C12orf42: variants seen among roughly 807,000 people sequenced by gnomAD.
C12orf42 encodes the protein uncharacterized protein C12orf42.
A neutral mutation model predicts 21.6 loss-of-function variants in C12orf42; 25 were observed. The ratio of observed to expected loss-of-function variants is 1.16; its 90% CI spans 0.84 to 1.62. The LOEUF (loss-of-function observed/expected upper bound fraction) is 1.62. Ranked by LOEUF, C12orf42 falls within the 40% of genes most tolerant of loss-of-function variation. C12orf42 has a pLI of 0.00. For synonymous variants in C12orf42, 174 were observed against 175.0 expected (o/e 0.99, Z 0.05); for missense variants, 483 against 459.3 (o/e 1.05, Z -0.47).
intron 4 of C12orf42, among the ~76,000 whole-genome samples, chr12:103,315,155 G>A (rs2136713714): frequency 6.6e-6 from 1 of 152,196 alleles, no homozygotes; most frequent in South Asian, 2.1e-4. Flanking sequence ...TCTATTACCT[G>A]ATACATCATG....
chr12:103,207,589 C>A, the C12orf42 span, among the ~76,000 whole-genome samples: 1 of 152,098 alleles, frequency 6.6e-6, no homozygotes, highest in Non-Finnish European at 1.5e-5. Context: ...ATATGACAGC[C>A]ATGGATTTGA....
At chr12:103,146,560 AAAAG>A in the C12orf42 span, among the ~76,000 whole-genome samples, 7,221 of 119,916 alleles carry the variant, frequency 0.06, 253 homozygotes, top group African/African-American at 0.094. Context: ...ATAAAGAAAG[AAAAG>A]AAAGAAAGAA....
At chr12:103,525,952 G>A in the C12orf42 span, among the ~76,000 whole-genome samples, 53 of 152,252 alleles carry the variant, frequency 3.5e-4, no homozygotes, top group Non-Finnish European at 5.9e-4. Flanking sequence ...GCTTGAAACC[G>A]AAGGCGGAGG....
chr12:103,207,312 C>T, the C12orf42 span, among the ~76,000 whole-genome samples: 1 of 152,204 alleles, frequency 6.6e-6, no homozygotes, highest in South Asian at 2.1e-4. Context: ...CTGACTGATA[C>T]AGAGCCCTAA....
At chr12:103,134,220 C>T in the C12orf42 span, among the ~76,000 whole-genome samples, 3 of 152,138 alleles carry the variant, frequency 2.0e-5, no homozygotes, top group Non-Finnish European at 4.4e-5. Context: ...AAACATGACA[C>T]TTCCATAGGA....
intron 3 of C12orf42, among the ~76,000 whole-genome samples, chr12:103,395,400 A>G (rs1487258167): frequency 4.2e-5 from 6 of 143,478 alleles, no homozygotes; most frequent in African/African-American, 1.6e-4. Flanking sequence ...CAGTGGGGTG[A>G]TCTCCGCTCA....
At chr12:103,435,867 C>T (rs1279725957) in intron 2 of C12orf42, among the ~76,000 whole-genome samples, 1 of 151,740 alleles carries the variant, frequency 6.6e-6, no homozygotes, top group Admixed American at 6.6e-5. Context: ...TCTAGCAAGG[C>T]AGGCCAACGT....
intron 4 of C12orf42, among the ~76,000 whole-genome samples, chr12:103,315,407 A>T (rs2039365773): frequency 6.6e-6 from 1 of 152,234 alleles, no homozygotes; most frequent in African/African-American, 2.4e-5. Flanking sequence ...TGCTATAAAT[A>T]AAAAACACTG....
At chr12:103,345,125 A>T (rs1488952346) in intron 4 of C12orf42, among the ~76,000 whole-genome samples, 1 of 152,222 alleles carries the variant, frequency 6.6e-6, no homozygotes, top group Non-Finnish European at 1.5e-5. Flanking sequence ...ACAAAATTGC[A>T]GTATTAATTA....
chr12:103,386,286 A>G (rs896484244), intron 3 of C12orf42, among the ~76,000 whole-genome samples: 1 of 152,094 alleles, frequency 6.6e-6, no homozygotes, highest in African/African-American at 2.4e-5. Context: ...GCCACCTCAA[A>G]GCTGGTACTA....
chr12:103,542,397 C>T, the C12orf42 span, among the ~76,000 whole-genome samples: 10 of 152,194 alleles, frequency 6.6e-5, no homozygotes, highest in African/African-American at 1.9e-4. Flanking sequence ...AATGAAATCT[C>T]CATATTCCAG....
chr12:103,496,318 A>G (rs1302917471), upstream of C12orf42, among the ~76,000 whole-genome samples: 1 of 152,138 alleles, frequency 6.6e-6, no homozygotes, highest in Non-Finnish European at 1.5e-5. Flanking sequence ...ATTGTAAACC[A>G]TTTTGAATAG....
chr12:103,125,972 T>G, the C12orf42 span, among the ~76,000 whole-genome samples: 51 of 152,286 alleles, frequency 3.3e-4, no homozygotes, highest in Non-Finnish European at 6.8e-4. Context: ...GAGATCTTGG[T>G]GCAATGCCCT....
chr12:103,353,466 C>T (rs1024639912), intron 4 of C12orf42, among the ~76,000 whole-genome samples: 5 of 152,040 alleles, frequency 3.3e-5, no homozygotes. Flanking sequence ...CATTCACTTG[C>T]CAGTACCTCT....
At chr12:103,449,133 AGAC>A (rs1274494650) in intron 2 of C12orf42, among the ~76,000 whole-genome samples, 1 of 152,052 alleles carries the variant, frequency 6.6e-6, no homozygotes, top group Non-Finnish European at 1.5e-5. Flanking sequence ...ATAGATAGAC[AGAC>A]ACCATGGAAT....
intron 2 of C12orf42, among the ~76,000 whole-genome samples, chr12:103,414,370 AG>A (rs1452080491): frequency 1.3e-5 from 2 of 152,038 alleles, no homozygotes; most frequent in Non-Finnish European, 1.5e-5. Flanking sequence ...CGTTCCTTGC[AG>A]ATTCTGGATA....
chr12:103,272,150 A>T (rs2035510973), intron 5 of C12orf42, among the ~76,000 whole-genome samples: 2 of 152,196 alleles, frequency 1.3e-5, no homozygotes, highest in African/African-American at 4.8e-5. Flanking sequence ...TACTTGAAGC[A>T]TTACCTTAGA....
the C12orf42 span, among the ~76,000 whole-genome samples, chr12:103,070,375 C>A: frequency 6.6e-6 from 1 of 152,076 alleles, no homozygotes; most frequent in Non-Finnish European, 1.5e-5. Flanking sequence ...ACCCACCCTG[C>A]AATATGCCAA....
At chr12:103,489,094 T>A (rs1955021379) in intron 1 of C12orf42, among the ~76,000 whole-genome samples, 1 of 152,216 alleles carries the variant, frequency 6.6e-6, no homozygotes, top group Non-Finnish European at 1.5e-5. Flanking sequence ...TTAGCTACCT[T>A]TTGTCTTTGA....
Sources: gnomAD v4.1 joint callset for allele counts (sites outside exome capture counted in the v4.1 genomes callset) on GRCh38, gnomAD v4.1.1 for gene constraint, MANE v1.5 for transcripts, NCBI Gene and HGNC (gene_info 2026-07-23, HGNC 2026-07-21) for gene names.